The following SYT1 variants were observed in gnomAD, a reference collection of about 807,000 sequenced individuals.
SYT1 encodes synaptotagmin 1, also known as synaptotagmin-1.
Under a neutral mutation model 44.8 loss-of-function variants are expected in SYT1, and 8 were observed. The observed-to-expected ratio is 0.18, with a 90% CI of 0.10 to 0.32. The LOEUF (loss-of-function observed/expected upper bound fraction) is 0.32, where lower values mean the gene tolerates loss of function less well. Ranked by LOEUF, SYT1 falls within the 10% of genes least tolerant of loss-of-function variation. The probability of loss-of-function intolerance (pLI) is 1.00; values close to 1 mark genes in which losing one functional copy is unlikely to be tolerated. For synonymous variants in SYT1, 154 were observed against 188.8 expected (o/e 0.82, Z 1.51); for missense variants, 286 against 509.3 (o/e 0.56, Z 4.22).
At chr12:79,114,307 T>G (rs1306630228) in intron 3 of SYT1, among the ~76,000 whole-genome samples, 1 of 152,142 alleles carries the variant, frequency 6.6e-6, no homozygotes. Context: ...GAAAATATTT[T>G]TTACTGTTGG....
At chr12:79,149,422 A>G (rs1363212448) in intron 3 of SYT1, among the ~76,000 whole-genome samples, 1 of 152,182 alleles carries the variant, frequency 6.6e-6, no homozygotes, top group East Asian at 1.9e-4. Flanking sequence ...TTAATCTGCA[A>G]GTTCTATAAC....
intron 1 of SYT1, among the ~76,000 whole-genome samples, chr12:78,964,960 A>G (rs1879695046): frequency 6.6e-6 from 1 of 151,996 alleles, no homozygotes; most frequent in Non-Finnish European, 1.5e-5. Context: ...TACTGATGTA[A>G]ATAATAATAT....
chr12:79,090,580 G>A (rs1486231112), intron 3 of SYT1, among the ~76,000 whole-genome samples: 1 of 151,914 alleles, frequency 6.6e-6, no homozygotes, highest in East Asian at 1.9e-4. Context: ...GGAGTGAAGG[G>A]AATTTTTCTT....
chr12:79,072,261 C>A (rs960369236), intron 3 of SYT1, among the ~76,000 whole-genome samples: 1 of 152,032 alleles, frequency 6.6e-6, no homozygotes, highest in African/African-American at 2.4e-5. Context: ...TATTGTGTAA[C>A]CTCTCTCTTT....
At chr12:78,929,116 T>C (rs1414800469) in intron 1 of SYT1, among the ~76,000 whole-genome samples, 1 of 151,714 alleles carries the variant, frequency 6.6e-6, no homozygotes, top group East Asian at 1.9e-4. Context: ...AAAAAGTTAT[T>C]AGCAGCCAGG....
intron 8 of SYT1, among the ~76,000 whole-genome samples, chr12:79,302,830 C>T (rs1444039190): frequency 6.6e-6 from 1 of 152,094 alleles, no homozygotes; most frequent in African/African-American, 2.4e-5. Flanking sequence ...GGAATTTGAC[C>T]TTGGAGACAG....
Position 78,870,854 on chromosome 12 carries a change from T to C in SYT1, c.-217+5745T>C, listed in dbSNP as rs376910404. Among the ~76,000 whole-genome samples the C allele has an allele frequency of 8.5e-4, 129 of 152,168 alleles. 4 individuals are homozygous for C. In the South Asian group the frequency reaches 0.026, roughly 31 times the overall value. On this transcript the variant is annotated intron_variant, in intron 1 of 10. Transcript: ENST00000261205. ...GCTTTGAGATTCCTTGACATATTTT[T>C]TCATCAACATGAAGGCAAAAGGACA...
At chr12:78,982,272 C>G (rs920711188) in intron 2 of SYT1, among the ~76,000 whole-genome samples, 4 of 151,948 alleles carry the variant, frequency 2.6e-5, no homozygotes, top group Admixed American at 6.6e-5. Context: ...GAAAAATGGC[C>G]CATAATTCTT....
intron 3 of SYT1, among the ~76,000 whole-genome samples, chr12:79,186,703 T>C (rs909343025): frequency 6.6e-6 from 1 of 152,066 alleles, no homozygotes; most frequent in African/African-American, 2.4e-5. Context: ...AGCTGCCAGA[T>C]ACATTTCCTC....
chr12:79,078,788 G>T (rs1876834555), intron 3 of SYT1, among the ~76,000 whole-genome samples: 2 of 152,060 alleles, frequency 1.3e-5, no homozygotes. Context: ...ATCAGTTTGT[G>T]TATACACACA....
rs113408315 is a variant in SYT1 at position 79,126,554 on chromosome 12, C to T, written c.-18+79192C>T. The stretch of plus-strand genomic sequence containing the variant: ...GATTATAGGCGTGAGCCACCATACC[C>T]GGCCAAAAGTGTTTAATAATATGCT... On this transcript the variant is annotated intron_variant, in intron 3 of 10. Coordinates refer to ENST00000261205, the MANE Select transcript of SYT1 (RefSeq NM_005639.3). Among the ~76,000 whole-genome samples the T allele has an allele frequency of 2.5e-3, 382 of 152,280 alleles. 4 individuals are homozygous for T. Among genetic ancestry groups the T allele is most frequent in the Middle Eastern group, 0.017 (5 of 294 alleles).
chr12:79,054,256 T>G (rs1874761445), intron 3 of SYT1, among the ~76,000 whole-genome samples: 1 of 152,034 alleles, frequency 6.6e-6, no homozygotes, highest in South Asian at 2.1e-4. Context: ...CCTTCCTATA[T>G]GAATGTCTAT....
At chr12:78,999,855 C>G (rs938259236) in intron 2 of SYT1, among the ~76,000 whole-genome samples, 1 of 152,138 alleles carries the variant, frequency 6.6e-6, no homozygotes, top group Non-Finnish European at 1.5e-5. Flanking sequence ...AGAAAACGTT[C>G]TAATCACTAC....
intron 4 of SYT1, among the ~76,000 whole-genome samples, chr12:79,236,310 C>G (rs1876187637): frequency 6.6e-6 from 1 of 152,110 alleles, no homozygotes; most frequent in African/African-American, 2.4e-5. Context: ...ATAGTTTAAC[C>G]CCAACCTACC....
chr12:79,052,170 C>T (rs1445050050), intron 3 of SYT1, among the ~76,000 whole-genome samples: 4 of 152,034 alleles, frequency 2.6e-5, no homozygotes, highest in African/African-American at 4.8e-5. Flanking sequence ...GCATGGAATG[C>T]TCTTCCATTT....
chr12:79,075,715 G>T (rs1447065325), intron 3 of SYT1, among the ~76,000 whole-genome samples: 1 of 152,044 alleles, frequency 6.6e-6, no homozygotes, highest in Non-Finnish European at 1.5e-5. Context: ...TTTAGCAGAT[G>T]CCCTTCTCTT....
intron 2 of SYT1, among the ~76,000 whole-genome samples, chr12:79,020,063 C>A (rs577309092): frequency 1.2e-4 from 19 of 152,034 alleles, no homozygotes; most frequent in African/African-American, 4.6e-4. Context: ...TCAAATCCAA[C>A]ATAAATTATT....
chr12:79,407,986 C>T (rs946674706), intron 9 of SYT1, among the ~76,000 whole-genome samples: 15 of 152,092 alleles, frequency 9.9e-5, no homozygotes, highest in Admixed American at 1.3e-4. Flanking sequence ...GATGTTGCTT[C>T]GAGAAGAGGC....
chr12:79,316,227 T>A (rs1368404870), intron 8 of SYT1, among the ~76,000 whole-genome samples: 2 of 152,216 alleles, frequency 1.3e-5, no homozygotes, highest in Non-Finnish European at 1.5e-5. Flanking sequence ...TTACCACAGA[T>A]TAGTTTGCCT....
Sources: allele counts gnomAD v4.1 joint callset (sites outside exome capture counted in the v4.1 genomes callset), GRCh38; gene constraint gnomAD v4.1.1; transcripts MANE v1.5; gene names NCBI Gene and HGNC (gene_info 2026-07-23, HGNC 2026-07-21).